IQGAP2: variants seen among roughly 807,000 people sequenced by gnomAD.
IQGAP2 encodes the protein IQ motif containing GTPase activating protein 2.
A neutral mutation model predicts 201.3 loss-of-function variants in IQGAP2; 173 were observed. That is an observed-to-expected ratio of 0.86 (90% CI 0.76 to 0.98). IQGAP2 has a LOEUF of 0.98. IQGAP2 is among the 50% of genes least tolerant of loss of function. IQGAP2 has a pLI of 0.00. For missense variants in IQGAP2, 1,687 were observed against 1,864.8 expected (o/e 0.90, Z 1.76); for synonymous variants, 675 against 673.9 (o/e 1.00, Z -0.03).
chr5:76,671,689 G>GAAA (rs34357630), intron 23 of IQGAP2, 70 bp from the exon 24 acceptor site: 69 of 812,500 alleles, frequency 8.5e-5, no homozygotes, highest in Non-Finnish European at 1.0e-4. Context: ...CTGTCTCGGG[G>GAAA]AAAAAAAAAA....
At chr5:76,699,204 G>GT (rs1489399975) in intron 33 of IQGAP2, among the ~76,000 whole-genome samples, 2 of 152,022 alleles carry the variant, frequency 1.3e-5, no homozygotes, top group Non-Finnish European at 2.9e-5. Context: ...ACATATAAGC[G>GT]AGAACATGTG....
intron 9 of IQGAP2, among the ~76,000 whole-genome samples, chr5:76,594,837 G>A (rs1030509548): frequency 1.3e-5 from 2 of 151,940 alleles, no homozygotes; most frequent in African/African-American, 4.8e-5. Context: ...GTGGTGGCGG[G>A]CATCTGTAAT....
At chr5:76,527,003 T>C (rs1386956844) in intron 2 of IQGAP2, among the ~76,000 whole-genome samples, 1 of 152,202 alleles carries the variant, frequency 6.6e-6, no homozygotes, top group Non-Finnish European at 1.5e-5. Flanking sequence ...GGCAGGATAC[T>C]GAGTGTTTGA....
chr5:76,567,978 A>C (rs187614161), intron 3 of IQGAP2, among the ~76,000 whole-genome samples: 2 of 152,330 alleles, frequency 1.3e-5, no homozygotes, highest in Non-Finnish European at 2.9e-5. Flanking sequence ...TAGACATGTC[A>C]CCTCATCTAA....
At position 76,561,120 on chromosome 5, in the gene IQGAP2, C is replaced by A. The variant is rs1056570790; in HGVS notation, c.147-1276C>A. On this transcript the variant is annotated intron_variant, in intron 2 of 35. Transcript: ENST00000274364. ...TAGCATGAGATTTCATCACACTACTCAGAACGATATGCAATTAAAAACTCA... is the reference window on the plus strand; with the variant it reads ...TAGCATGAGATTTCATCACACTACTAAGAACGATATGCAATTAAAAACTCA... Among the ~76,000 whole-genome samples the A allele has an allele frequency of 1.2e-4, 18 of 152,186 alleles. No individual in the cohort carries two copies. The East Asian group carries it at 3.5e-3, about 29-fold the overall frequency.
At position 76,707,429 on chromosome 5, in the gene IQGAP2, A is replaced by T. The variant is rs463188; in HGVS notation, c.*116A>T. ...CTGCTTATAAATGTGTGATTTTTTT[A>T]AAACGACCAAAACTGTTCTGAAGAA... On this transcript the variant is annotated 3_prime_UTR_variant, in exon 36 of 36. Transcript: ENST00000274364. 484,770 of 647,004 alleles carry T rather than the reference A, an allele frequency of 0.75. 182,543 individuals carry two copies. Among genetic ancestry groups the T allele is most frequent in the African/African-American group, 0.87 (46,818 of 54,116 alleles). The allele number at this position is 647,004 out of a possible 1,614,324, so 40.1% of individuals were successfully genotyped here. A position where few individuals can be genotyped will look rare whatever the true frequency, so the allele number is the denominator to read the frequency against.
intron 2 of IQGAP2, among the ~76,000 whole-genome samples, chr5:76,496,749 C>CTTTTTTTTT (rs775351003): frequency 1.7e-5 from 1 of 60,470 alleles, no homozygotes; most frequent in African/African-American, 9.6e-5. Flanking sequence ...TTCTTTCTTT[C>CTTTTTTTTT]TTTCTTTCTT....
intron 15 of IQGAP2, 52 bp downstream of exon 15, chr5:76,632,078 T>C (rs1040978059): frequency 4.3e-6 from 6 of 1,392,934 alleles, no homozygotes; most frequent in Non-Finnish European, 5.9e-6. Flanking sequence ...ATATCATTTC[T>C]GTGGTATTAT....
intron 2 of IQGAP2, among the ~76,000 whole-genome samples, chr5:76,481,164 C>T (rs1755765600): frequency 6.6e-6 from 1 of 152,092 alleles, no homozygotes; most frequent in African/African-American, 2.4e-5. Flanking sequence ...TTTGGGGGCA[C>T]ACATTCAGGC....
At chr5:76,425,369 A>C (rs566278297) in intron 1 of IQGAP2, among the ~76,000 whole-genome samples, 95 of 152,282 alleles carry the variant, frequency 6.2e-4, no homozygotes, top group South Asian at 4.1e-4. Flanking sequence ...AAACTTTTGA[A>C]GTCTGAATAG....
intron 2 of IQGAP2, among the ~76,000 whole-genome samples, chr5:76,551,735 TC>T (rs1398595815): frequency 6.6e-6 from 1 of 151,842 alleles, no homozygotes; most frequent in Non-Finnish European, 1.5e-5. Flanking sequence ...GTGCCTGCAA[TC>T]CCAGGCACTC....
chr5:76,610,831 A>G (rs773243356), intron 12 of IQGAP2, among the ~76,000 whole-genome samples, 189 bp from the exon 13 acceptor site: 14 of 152,278 alleles, frequency 9.2e-5, no homozygotes, highest in Middle Eastern at 3.4e-3. Flanking sequence ...AGTCTTATGA[A>G]TTGAATGTGT....
intron 21 of IQGAP2, among the ~76,000 whole-genome samples, chr5:76,659,853 G>A (rs953372194): frequency 1.3e-5 from 2 of 151,802 alleles, no homozygotes; most frequent in African/African-American, 4.8e-5. Flanking sequence ...CACTGCCCCC[G>A]TTATGCCCCC....
chr5:76,451,809 C>T (rs1753767865), intron 1 of IQGAP2, among the ~76,000 whole-genome samples: 1 of 152,194 alleles, frequency 6.6e-6, no homozygotes, highest in Non-Finnish European at 1.5e-5. Context: ...CCAAGGCAGG[C>T]AGATCACTTG....
At chr5:76,451,874 A>G (rs530404567) in intron 1 of IQGAP2, among the ~76,000 whole-genome samples, 1 of 152,312 alleles carries the variant, frequency 6.6e-6, no homozygotes, top group South Asian at 2.1e-4. Flanking sequence ...GTCTCTACTA[A>G]AAATACAAAA....
intron 29 of IQGAP2, 125 bp downstream of exon 29, chr5:76,683,342 T>A (rs1400053005): frequency 3.3e-6 from 2 of 604,504 alleles, no homozygotes; most frequent in Non-Finnish European, 5.8e-6. Flanking sequence ...TTAAGCATAT[T>A]TAAAGAATAA....
chr5:76,544,653 G>A (rs1334532526), intron 2 of IQGAP2, among the ~76,000 whole-genome samples: 2 of 152,192 alleles, frequency 1.3e-5, no homozygotes, highest in Non-Finnish European at 2.9e-5. Flanking sequence ...GTAATGTTAT[G>A]TGTACAGAGT....
intron 2 of IQGAP2, among the ~76,000 whole-genome samples, chr5:76,529,666 AATAATAATAATG>A (rs1442284649): frequency 1.2e-4 from 13 of 107,718 alleles, no homozygotes; most frequent in Non-Finnish European, 1.2e-4. Flanking sequence ...TAATAATAAT[AATAATAATAATG>A]GTTATTTTTA....
At chr5:76,615,042 A>G (rs577403609) in intron 13 of IQGAP2, among the ~76,000 whole-genome samples, 7 of 152,178 alleles carry the variant, frequency 4.6e-5, no homozygotes, top group Non-Finnish European at 1.0e-4. Context: ...TGTAGCTACA[A>G]AATTCCTTTT....
Sources: allele counts gnomAD v4.1 joint callset (sites outside exome capture counted in the v4.1 genomes callset), GRCh38; gene constraint gnomAD v4.1.1; transcripts MANE v1.5; gene names NCBI Gene and HGNC (gene_info 2026-07-23, HGNC 2026-07-21).